Variants in SND1 observed in about 807,000 individuals in gnomAD.
The protein encoded by SND1 is staphylococcal nuclease and tudor domain containing 1.
In SND1, 38 loss-of-function variants were observed where a neutral mutation model predicts 121.7. The observed-to-expected ratio is 0.31, with a 90% CI of 0.24 to 0.41. The LOEUF (loss-of-function observed/expected upper bound fraction) is 0.41. Ranked by LOEUF, SND1 falls within the 10% of genes least tolerant of loss-of-function variation. The pLI, the probability that SND1 is intolerant of heterozygous loss-of-function variation, is 1.00. For synonymous variants in SND1, 401 were observed against 447.4 expected, an observed-to-expected ratio of 0.90 and a Z score of 1.31; for missense variants, 868 against 1,184.6, an observed-to-expected ratio of 0.73 and a Z score of 3.92.
At chr7:127,887,260 G>C (rs1181587975) in intron 12 of SND1, among the ~76,000 whole-genome samples, 2 of 152,058 alleles carry the variant, frequency 1.3e-5, no homozygotes, top group Non-Finnish European at 2.9e-5. Flanking sequence ...GCCTCCCAAA[G>C]TGTTGGGATC....
At chr7:127,694,801 A>G (rs1795979403) in intron 2 of SND1, 27 bp from the exon 3 acceptor site, 4 of 1,612,434 alleles carry the variant, frequency 2.5e-6, no homozygotes, top group Middle Eastern at 1.6e-4. Context: ...GGCAGTTCTC[A>G]TGTGACATAT....
chr7:127,860,300 A>C (rs1274527896), intron 12 of SND1, among the ~76,000 whole-genome samples: 1 of 152,230 alleles, frequency 6.6e-6, no homozygotes, highest in Non-Finnish European at 1.5e-5. Context: ...CAATGAAGCC[A>C]CAAGTTTCCT....
At chr7:127,691,694 C>A (rs1795920119) in intron 2 of SND1, among the ~76,000 whole-genome samples, 1 of 151,764 alleles carries the variant, frequency 6.6e-6, no homozygotes. Context: ...CTCACTGCAA[C>A]CTCCACCTCA....
intron 14 of SND1, among the ~76,000 whole-genome samples, chr7:127,928,905 TAAAGG>T (rs1406605789): frequency 6.6e-6 from 1 of 152,206 alleles, no homozygotes; most frequent in Non-Finnish European, 1.5e-5. Flanking sequence ...AATTTTGTGT[TAAAGG>T]AAGATGAGCT....
chr7:127,725,868 C>T (rs983243964), intron 10 of SND1, among the ~76,000 whole-genome samples: 5 of 152,080 alleles, frequency 3.3e-5, no homozygotes, highest in African/African-American at 9.7e-5. Context: ...TGTTCTAGGG[C>T]GGGCCTCCAC....
chr7:127,701,089 A>C, intron 4 of SND1, 74 bp from the exon 5 acceptor site: 2 of 1,523,762 alleles, frequency 1.3e-6, no homozygotes, highest in South Asian at 2.4e-5. Context: ...ATGCTGAAGA[A>C]AACCTATATC....
intron 9 of SND1, among the ~76,000 whole-genome samples, chr7:127,714,599 C>G (rs1215944101): frequency 6.6e-6 from 1 of 152,176 alleles, no homozygotes; most frequent in Non-Finnish European, 1.5e-5. Flanking sequence ...TACAACTCTT[C>G]ATTTTATAAA....
chr7:127,985,437 T>C lies in SND1; in HGVS notation c.1670-5510T>C, dbSNP rs372668653. 5.3e-4 allele frequency among the ~76,000 whole-genome samples: 81 copies of C among 152,302 alleles called. 2 individuals carry two copies. In the East Asian group the frequency reaches 0.014, roughly 26 times the overall value. ...CACACCCTGCCAATTTTTGTATTTTTAGTAGAGGCGGGGTTTCACCATCTT... is the reference window on the plus strand; with the variant it reads ...CACACCCTGCCAATTTTTGTATTTTCAGTAGAGGCGGGGTTTCACCATCTT... On this transcript the variant is annotated intron_variant, in intron 15 of 23. Transcript: ENST00000354725.
At chr7:127,658,799 A>G (rs988228905) in intron 1 of SND1, among the ~76,000 whole-genome samples, 2 of 152,314 alleles carry the variant, frequency 1.3e-5, no homozygotes, top group East Asian at 3.9e-4. Context: ...TATTTGGAGG[A>G]TGAAATTTGG....
In SND1 at chr7:128,073,261, T is replaced by C. The variant is rs915290733; in HGVS notation, c.1780-1241T>C. 4.6e-5 allele frequency among the ~76,000 whole-genome samples: 7 copies of C among 152,216 alleles called. 1 individual carries two copies. The highest frequency in any genetic ancestry group is 2.0e-4 in the Admixed American group (3 of 15,288). Reference sequence around the variant, plus strand: ...CAACATGGACTGGACCTATATGTTCTCCATTATCTCTTTTTCGTTAATAAC... The same window carrying C: ...CAACATGGACTGGACCTATATGTTCCCCATTATCTCTTTTTCGTTAATAAC... On this transcript the variant is annotated intron_variant, in intron 16 of 23. Coordinates refer to ENST00000354725, the MANE Select transcript of SND1 (RefSeq NM_014390.4).
At chr7:127,664,886 T>G (rs1795385785) in intron 1 of SND1, among the ~76,000 whole-genome samples, 1 of 152,218 alleles carries the variant, frequency 6.6e-6, no homozygotes, top group South Asian at 2.1e-4. Context: ...ACATTTGGTG[T>G]CAGAAATGTT....
chr7:127,703,373 G>T, intron 7 of SND1, 50 bp downstream of exon 7: 1 of 1,594,250 alleles, frequency 6.3e-7, no homozygotes, highest in South Asian at 1.1e-5. Flanking sequence ...GATGCATTTG[G>T]GGTTTGAAGA....
intron 14 of SND1, chr7:127,928,076 G>C (rs1382690593): frequency 6.6e-6 from 1 of 152,296 alleles, no homozygotes; most frequent in South Asian, 2.1e-4. Flanking sequence ...AGACTGAAAG[G>C]ATTTGAAGGC....
intron 16 of SND1, among the ~76,000 whole-genome samples, chr7:128,037,312 T>G (rs1291729020): frequency 6.6e-6 from 1 of 152,206 alleles, no homozygotes; most frequent in East Asian, 1.9e-4. Context: ...TCTGCCTCCA[T>G]GGCCACATTG....
At chr7:127,802,024 T>C (rs1010498993) in intron 10 of SND1, among the ~76,000 whole-genome samples, 4 of 152,084 alleles carry the variant, frequency 2.6e-5, no homozygotes, top group Non-Finnish European at 5.9e-5. Context: ...TTTTTGTATT[T>C]TTAGTAGAGA....
At chr7:127,701,080 T>C in intron 4 of SND1, 83 bp from the exon 5 acceptor site, 1 of 1,459,544 alleles carries the variant, frequency 6.9e-7, no homozygotes, top group South Asian at 1.3e-5. Context: ...GGGGTGAAGA[T>C]GCTGAAGAAA....
At chr7:128,032,810 A>G (rs933466601) in intron 16 of SND1, among the ~76,000 whole-genome samples, 4 of 151,550 alleles carry the variant, frequency 2.6e-5, no homozygotes, top group African/African-American at 9.7e-5. Context: ...GCTTTGCCTC[A>G]CCCCTCCTGT....
At chr7:127,978,766 T>C (rs541126592) in intron 15 of SND1, among the ~76,000 whole-genome samples, 53 of 152,332 alleles carry the variant, frequency 3.5e-4, no homozygotes, top group East Asian at 7.7e-4. Flanking sequence ...CAGGTTTAGT[T>C]ACCCTGTACT....
chr7:127,837,719 G>T (rs1176928766), intron 11 of SND1, among the ~76,000 whole-genome samples: 1 of 152,186 alleles, frequency 6.6e-6, no homozygotes, highest in African/African-American at 2.4e-5. Context: ...TTAAAAATAT[G>T]TATCACTTTT....
Sources: allele counts gnomAD v4.1 joint callset (sites outside exome capture counted in the v4.1 genomes callset), GRCh38; gene constraint gnomAD v4.1.1; transcripts MANE v1.5; gene names NCBI Gene and HGNC (gene_info 2026-07-23, HGNC 2026-07-21).